The following FGF14 variants were observed in gnomAD, a reference collection of about 807,000 sequenced individuals.
The protein encoded by FGF14 is fibroblast growth factor homologous factor 4.
In FGF14, 5 loss-of-function variants were observed where a neutral mutation model predicts 25.5. That is an observed-to-expected ratio of 0.20 (90% CI 0.10 to 0.41). The LOEUF (loss-of-function observed/expected upper bound fraction) is 0.41, where lower values mean the gene tolerates loss of function less well. FGF14 is among the 10% of genes least tolerant of loss of function. FGF14 has a pLI of 1.00. For missense variants in FGF14, 222 were observed against 320.1 expected (o/e 0.69, Z 2.34); for synonymous variants, 138 against 118.3 (o/e 1.17, Z -1.08).
intron 1 of FGF14, among the ~76,000 whole-genome samples, chr13:101,937,895 G>C (rs1015184382): frequency 1.3e-5 from 2 of 152,160 alleles, no homozygotes; most frequent in Non-Finnish European, 2.9e-5. Context: ...ACCGTGCCCA[G>C]CCCATTTCTG....
chr13:102,340,041 T>C (rs941023686), intron 1 of FGF14, among the ~76,000 whole-genome samples: 3 of 152,154 alleles, frequency 2.0e-5, no homozygotes, highest in Non-Finnish European at 4.4e-5. Context: ...TAACAGAATT[T>C]CAAAGGCACT....
chr13:101,977,796 T>G (rs972825776), intron 1 of FGF14, among the ~76,000 whole-genome samples: 6 of 152,308 alleles, frequency 3.9e-5, no homozygotes, highest in African/African-American at 1.2e-4. Context: ...GGACTCTACA[T>G]TAATGTGTGC....
chr13:102,051,182 C>T (rs774395772), intron 1 of FGF14, among the ~76,000 whole-genome samples: 1 of 152,166 alleles, frequency 6.6e-6, no homozygotes, highest in Non-Finnish European at 1.5e-5. Flanking sequence ...CATCTCATTA[C>T]ATGTGCCCAT....
intron 1 of FGF14, among the ~76,000 whole-genome samples, chr13:102,044,496 G>C (rs753819642): frequency 4.0e-5 from 6 of 151,766 alleles, no homozygotes; most frequent in Non-Finnish European, 5.9e-5. Flanking sequence ...CCAGATCATC[G>C]ATCTGTTGAG....
intron 1 of FGF14, among the ~76,000 whole-genome samples, chr13:101,972,728 C>T (rs1250742181): frequency 3.9e-5 from 6 of 152,220 alleles, no homozygotes; most frequent in African/African-American, 1.4e-4. Flanking sequence ...AGGCAGGTCT[C>T]GAACTCCCCA....
At chr13:101,750,813 A>G (rs770751197) in intron 3 of FGF14, among the ~76,000 whole-genome samples, 14 of 152,200 alleles carry the variant, frequency 9.2e-5, no homozygotes, top group Admixed American at 2.0e-4. Flanking sequence ...CAATAGGGGA[A>G]TATACAAACA....
chr13:101,899,439 G>T (rs187295291), intron 1 of FGF14, among the ~76,000 whole-genome samples: 1 of 151,858 alleles, frequency 6.6e-6, no homozygotes, highest in African/African-American at 2.4e-5. Flanking sequence ...TTAATCAAAT[G>T]GAAGTTTTAA....
chr13:101,737,211 G>A (rs1339057793), intron 3 of FGF14, among the ~76,000 whole-genome samples: 1 of 151,582 alleles, frequency 6.6e-6, no homozygotes, highest in East Asian at 2.0e-4. Context: ...CAAGAATCTG[G>A]AAAAAGACAA....
chr13:101,922,362 C>G (rs377488213), intron 1 of FGF14, among the ~76,000 whole-genome samples: 2 of 152,154 alleles, frequency 1.3e-5, no homozygotes, highest in Non-Finnish European at 2.9e-5. Context: ...ACATGACAAA[C>G]AGTTTGAGTT....
chr13:102,208,167 G>A (rs1461306298), intron 1 of FGF14, among the ~76,000 whole-genome samples: 2 of 152,156 alleles, frequency 1.3e-5, no homozygotes, highest in East Asian at 1.9e-4. Flanking sequence ...AGATTCGCAA[G>A]GGGAAAGGCA....
chr13:102,130,693 C>A (rs1040943655), intron 1 of FGF14, among the ~76,000 whole-genome samples: 2 of 152,158 alleles, frequency 1.3e-5, no homozygotes, highest in East Asian at 1.9e-4. Context: ...AAAAAGAGAG[C>A]GTACAAGGGA....
chr13:102,373,369 A>G (rs1442287024), intron 1 of FGF14: 1 of 152,182 alleles, frequency 6.6e-6, no homozygotes, highest in Non-Finnish European at 1.5e-5. Context: ...CTGTAAGGTA[A>G]ATATGTAAGG....
At chr13:102,352,242 TACACACAC>T (rs56774921) in intron 1 of FGF14, among the ~76,000 whole-genome samples, 28,230 of 137,208 alleles carry the variant, frequency 0.21, 2,807 homozygotes, top group Middle Eastern at 0.25. Flanking sequence ...TGTACCTTTA[TACACACAC>T]ACACACACAC....
intron 1 of FGF14, among the ~76,000 whole-genome samples, chr13:102,252,486 A>G (rs2052228728): frequency 6.6e-6 from 1 of 152,156 alleles, no homozygotes; most frequent in Non-Finnish European, 1.5e-5. Context: ...CAAATCTGCA[A>G]ATACTCAAGT....
chr13:101,919,524 C>T (rs1486704563), upstream of FGF14, among the ~76,000 whole-genome samples: 3 of 151,760 alleles, frequency 2.0e-5, no homozygotes, highest in Non-Finnish European at 2.9e-5. Context: ...TGCAGTCTTT[C>T]CCCCAAATCC....
Position 101,726,603 on chromosome 13 carries a change from AAT to A in FGF14, c.607+7_607+8del. ...GTCTATGTAATAATAATGCATGCAT[AAT>A]ACTCACCTTCCAATGGCTTGGGTAG... On this transcript the variant is annotated splice_region_variant and intron_variant, in intron 4 of 4. Coordinates refer to ENST00000376143, the MANE Select transcript of FGF14 (RefSeq NM_004115.4). 3 of 1,610,900 alleles carry A rather than the reference AAT, an allele frequency of 1.9e-6. No homozygotes were observed. Among genetic ancestry groups the A allele is most frequent in the Non-Finnish European group, 2.5e-6 (3 of 1,177,358 alleles).
intron 1 of FGF14, among the ~76,000 whole-genome samples, chr13:102,007,527 G>A (rs543473608): frequency 1.8e-3 from 270 of 152,314 alleles, no homozygotes; most frequent in Non-Finnish European, 2.7e-3. Flanking sequence ...AACAAAGCAT[G>A]AATCAAGACT....
At chr13:102,173,159 C>G (rs2048315327) in intron 1 of FGF14, among the ~76,000 whole-genome samples, 1 of 151,970 alleles carries the variant, frequency 6.6e-6, no homozygotes, top group Admixed American at 6.6e-5. Context: ...AAATAATAAA[C>G]TGACTTAAAA....
At chr13:101,805,649 T>C (rs1205355922) in intron 3 of FGF14, among the ~76,000 whole-genome samples, 1 of 152,144 alleles carries the variant, frequency 6.6e-6, no homozygotes, top group Non-Finnish European at 1.5e-5. Context: ...CTATATAATA[T>C]TCTTTTTAAG....
Sources: allele counts gnomAD v4.1 joint callset (sites outside exome capture counted in the v4.1 genomes callset), GRCh38; gene constraint gnomAD v4.1.1; transcripts MANE v1.5; gene names NCBI Gene and HGNC (gene_info 2026-07-23, HGNC 2026-07-21).